Variants in PLEKHA7 observed in about 807,000 individuals in gnomAD.
The protein encoded by PLEKHA7 is pleckstrin homology domain containing A7.
A neutral mutation model predicts 170.0 loss-of-function variants in PLEKHA7; 104 were observed. The observed-to-expected ratio is 0.61, with a 90% CI of 0.52 to 0.72. PLEKHA7 has a LOEUF of 0.72. Ranked by LOEUF, PLEKHA7 falls within the 30% of genes least tolerant of loss-of-function variation. PLEKHA7 has a pLI of 0.00. For synonymous variants in PLEKHA7, 648 were observed against 660.8 expected (o/e 0.98, Z 0.30); for missense variants, 1,615 against 1,671.7 (o/e 0.97, Z 0.59).
intron 3 of PLEKHA7, among the ~76,000 whole-genome samples, chr11:16,997,006 C>G (rs1864382045): frequency 6.6e-6 from 1 of 152,112 alleles, no homozygotes; most frequent in South Asian, 2.1e-4. Flanking sequence ...TCAGCCAGGT[C>G]CCAGCCTGGA....
rs554353265 is a variant in PLEKHA7, at chr11:16,847,540, G to C, written c.696+3651C>G. On this transcript the variant is annotated intron_variant, in intron 8 of 26. Coordinates refer to ENST00000531066, the MANE Select transcript of PLEKHA7 (RefSeq NM_001329630.2). ...GCTGGGGCCTCGTGAATCACAATTG[G>C]CTTAATCAGATGGGCACAGAGGCTC... 7.9e-5 allele frequency among the ~76,000 whole-genome samples: 12 copies of C among 152,184 alleles called. No homozygotes were observed. In the East Asian group the frequency reaches 1.9e-3, roughly 25 times the overall value.
intron 3 of PLEKHA7, among the ~76,000 whole-genome samples, chr11:16,943,136 C>T (rs574827609): frequency 7.9e-5 from 12 of 152,032 alleles, no homozygotes; most frequent in East Asian, 1.9e-4. Flanking sequence ...TACGCAATTT[C>T]GAAACTTCTA....
chr11:16,836,768 G>GT lies in PLEKHA7; in HGVS notation c.872+4778dup, dbSNP rs1851540703. Among the ~76,000 whole-genome samples, 2 of 149,460 alleles carry GT rather than the reference G, an allele frequency of 1.3e-5. 1 individual carries two copies. The highest frequency in any genetic ancestry group is 1.3e-4 in the Admixed American group (2 of 15,060). On this transcript the variant is annotated intron_variant, in intron 9 of 26. Transcript: ENST00000531066. Reference sequence around the variant, plus strand: ...TGACTCAGAAGCTGGAAAAACTTGTGTTTTTTATTTTGTTTTAGTTTCCTG... The same window carrying GT: ...TGACTCAGAAGCTGGAAAAACTTGTGTTTTTTTATTTTGTTTTAGTTTCCTG...
At chr11:16,975,209 T>C (rs1862985094) in intron 3 of PLEKHA7, among the ~76,000 whole-genome samples, 1 of 152,246 alleles carries the variant, frequency 6.6e-6, no homozygotes, top group Non-Finnish European at 1.5e-5. Context: ...TCCATTACTA[T>C]AATTTTGTCA....
chr11:16,910,052 T>C (rs1351232940), intron 3 of PLEKHA7, among the ~76,000 whole-genome samples: 4 of 152,092 alleles, frequency 2.6e-5, no homozygotes. Context: ...ATGACAAGGA[T>C]AATATACTTG....
At chr11:16,812,806 C>T (rs528267981) in intron 13 of PLEKHA7, among the ~76,000 whole-genome samples, 70 of 152,278 alleles carry the variant, frequency 4.6e-4, no homozygotes, top group Non-Finnish European at 9.1e-4. Context: ...CTGGAGACTC[C>T]GAAGAAGCGA....
At chr11:16,802,186 C>A (rs1435200549) in intron 15 of PLEKHA7, among the ~76,000 whole-genome samples, 2 of 152,208 alleles carry the variant, frequency 1.3e-5, no homozygotes, top group Admixed American at 6.5e-5. Flanking sequence ...CCTCCAGCAT[C>A]ACGAATTTAA....
intron 13 of PLEKHA7, among the ~76,000 whole-genome samples, chr11:16,808,744 A>G (rs561188304): frequency 2.0e-5 from 3 of 152,168 alleles, no homozygotes; most frequent in Non-Finnish European, 2.9e-5. Context: ...AAGACAACTT[A>G]AAGTGTCAAC....
chr11:16,779,510 G>A (rs1293091117), intron 26 of PLEKHA7, among the ~76,000 whole-genome samples: 1 of 152,174 alleles, frequency 6.6e-6, no homozygotes, highest in East Asian at 1.9e-4. Flanking sequence ...GCCTCTCTGT[G>A]ACTGAGCGCT....
chr11:17,005,334 C>T (rs1229922967), intron 3 of PLEKHA7, among the ~76,000 whole-genome samples: 1 of 152,022 alleles, frequency 6.6e-6, no homozygotes, highest in Non-Finnish European at 1.5e-5. Context: ...GAGTTTGAGA[C>T]CAGCCTGGCC....
intron 3 of PLEKHA7, among the ~76,000 whole-genome samples, chr11:16,931,174 T>C (rs769073887): frequency 6.6e-6 from 1 of 152,064 alleles, no homozygotes; most frequent in East Asian, 1.9e-4. Context: ...GCCAATGATC[T>C]TCATACTTAT....
chr11:16,801,957 C>CT (rs1848624737), intron 15 of PLEKHA7, 140 bp from the exon 16 acceptor site: 2 of 1,025,218 alleles, frequency 2.0e-6, no homozygotes, highest in African/African-American at 3.2e-5. Flanking sequence ...ACAGTCGGGG[C>CT]TCTGATGCCA....
chr11:16,986,532 C>G (rs1863736097), intron 3 of PLEKHA7, among the ~76,000 whole-genome samples: 2 of 152,118 alleles, frequency 1.3e-5, no homozygotes, highest in African/African-American at 4.8e-5. Flanking sequence ...AGTGGGGACC[C>G]TACTGACTGG....
intron 3 of PLEKHA7, among the ~76,000 whole-genome samples, chr11:16,939,087 A>G (rs1860503616): frequency 6.6e-6 from 1 of 152,198 alleles, no homozygotes; most frequent in African/African-American, 2.4e-5. Context: ...GATGCCCAAG[A>G]TCTTTGACAA....
Position 16,819,784 on chromosome 11 carries a change from C to T in PLEKHA7, c.1344-2462G>A, listed in dbSNP as rs111984217. Among the ~76,000 whole-genome samples, 1,261 of 152,214 alleles carry T rather than the reference C, an allele frequency of 8.3e-3. 33 individuals are homozygous for T. Among genetic ancestry groups the T allele is most frequent in the African/African-American group, 0.029 (1,206 of 41,506 alleles). On this transcript the variant is annotated intron_variant, in intron 10 of 26. Coordinates refer to ENST00000531066, the MANE Select transcript of PLEKHA7 (RefSeq NM_001329630.2). ...AAGAACAGAGTAGAGAGGTAGTTAC[C>T]AGAGGTTTTGGGAGGGAGAGGAGAG... is the stretch of plus-strand genomic sequence containing the variant.
At chr11:16,880,155 C>A (rs1473419067) in intron 3 of PLEKHA7, among the ~76,000 whole-genome samples, 1 of 152,104 alleles carries the variant, frequency 6.6e-6, no homozygotes, top group Non-Finnish European at 1.5e-5. Flanking sequence ...GCTCTACAGC[C>A]CAGGCAACTA....
chr11:16,894,032 A>C (rs1856843621), intron 3 of PLEKHA7, among the ~76,000 whole-genome samples: 1 of 152,154 alleles, frequency 6.6e-6, no homozygotes, highest in Non-Finnish European at 1.5e-5. Context: ...TCCTCTTTCC[A>C]ACTGCCCCTT....
chr11:16,807,301 T>C, intron 13 of PLEKHA7: 1 of 607,054 alleles, frequency 1.6e-6, no homozygotes, highest in Non-Finnish European at 2.1e-6. Flanking sequence ...AGCCAGAATT[T>C]GGGGAACTGG....
chr11:16,926,145 C>T, intron 3 of PLEKHA7, among the ~76,000 whole-genome samples: 1 of 152,194 alleles, frequency 6.6e-6, no homozygotes, highest in East Asian at 1.9e-4. Flanking sequence ...TGGTAAATTG[C>T]GGGAACGGAT....
Sources: gnomAD v4.1 joint callset for allele counts (sites outside exome capture counted in the v4.1 genomes callset) on GRCh38, gnomAD v4.1.1 for gene constraint, MANE v1.5 for transcripts, NCBI Gene and HGNC (gene_info 2026-07-23, HGNC 2026-07-21) for gene names.